Variants in PRCP observed in about 807,000 individuals in gnomAD.
PRCP encodes the protein prolylcarboxypeptidase.
A neutral mutation model predicts 54.2 loss-of-function variants in PRCP; 46 were observed. That is an observed-to-expected ratio of 0.85 (90% CI 0.67 to 1.09). The LOEUF is 1.09. Among genes scored for constraint, PRCP ranks in the 50% least tolerant of loss-of-function variants. The pLI, the probability that PRCP is intolerant of heterozygous loss-of-function variation, is 0.00. For synonymous variants in PRCP, 240 were observed against 212.2 expected (o/e 1.13, Z -1.14); for missense variants, 613 against 596.8 (o/e 1.03, Z -0.28).
intron 3 of PRCP, among the ~76,000 whole-genome samples, chr11:82,852,041 C>T (rs1379497970): frequency 6.6e-6 from 1 of 152,134 alleles, no homozygotes; most frequent in Admixed American, 6.5e-5. Flanking sequence ...TCAAAAAGAG[C>T]CCCTGGCTCC....
chr11:82,872,738 G>A (rs1390232827), intron 1 of PRCP, among the ~76,000 whole-genome samples: 2 of 152,192 alleles, frequency 1.3e-5, no homozygotes, highest in African/African-American at 4.8e-5. Flanking sequence ...GGAAGTGAGA[G>A]GATAAACTTC....
At position 82,823,604 on chromosome 11, in the gene PRCP, T is replaced by C. The variant is rs1858147510; in HGVS notation, c.*1302A>G. 6.7e-6 allele frequency: 1 copy of C among 149,972 alleles called. No individual in the cohort carries two copies. Among genetic ancestry groups the C allele is most frequent in the Non-Finnish European group, 1.5e-5 (1 of 67,570 alleles). The allele number at this position is 149,972 out of a possible 1,614,324, so 9.3% of individuals were successfully genotyped here. A position where few individuals can be genotyped will look rare whatever the true frequency, so the allele number is the denominator to read the frequency against. On this transcript the variant is annotated 3_prime_UTR_variant, in exon 9 of 9. Coordinates refer to ENST00000313010, the MANE Select transcript of PRCP (RefSeq NM_005040.4). ...GGTACAGTTTTTTAAAAGCAGAAAA[T>C]GTTCCCAAGGCAGGGTGAAGAAAAA...
chr11:82,839,456 A>G, intron 6 of PRCP, 31 bp from the exon 7 acceptor site: 1 of 1,573,366 alleles, frequency 6.4e-7, no homozygotes, highest in Non-Finnish European at 8.7e-7. Context: ...ATGGGGAAAG[A>G]GTCAGAATAT....
chr11:82,884,800 A>G, intron 1 of PRCP: 1 of 1,610,686 alleles, frequency 6.2e-7, no homozygotes, highest in South Asian at 1.1e-5. Flanking sequence ...TCTCAAATGC[A>G]GAATGAAAAA....
chr11:82,844,311 T>G (rs1466325304), intron 6 of PRCP, among the ~76,000 whole-genome samples: 5 of 152,140 alleles, frequency 3.3e-5, no homozygotes, highest in African/African-American at 1.2e-4. Flanking sequence ...TAATCCCAGT[T>G]ACTCAGGAGG....
rs1419872428 is a variant in PRCP at position 82,900,395 on chromosome 11, C to T, written c.8G>A (p.Arg3His). Residue 3 changes from arginine to histidine, a missense_variant, in exon 1 of 9, where the codon CGC becomes CAC. By Grantham distance (29) the Arg-to-His change is conservative. Transcript: ENST00000313010. ...CAGAAGCAGGAGCAGGAGGGCTCGG[C>T]GGCCCATGGCTCAGGCTGGAGACTG... Reference protein sequence around the residue: MGRRALLLLLLSF... With the variant: MGHRALLLLLLSF... 2.5e-6 allele frequency: 4 copies of T among 1,613,370 alleles called. No homozygotes were observed. Among genetic ancestry groups the T allele is most frequent in the African/African-American group, 1.3e-5 (1 of 75,034 alleles).
At chr11:82,846,386 GTAAC>G (rs931486632) in intron 6 of PRCP, among the ~76,000 whole-genome samples, 5 of 151,996 alleles carry the variant, frequency 3.3e-5, no homozygotes, top group African/African-American at 1.2e-4. Context: ...AATCAGATGG[GTAAC>G]TAACTATAGG....
chr11:82,849,889 T>G, intron 5 of PRCP, 25 bp downstream of exon 5: 1 of 1,410,026 alleles, frequency 7.1e-7, no homozygotes, highest in Non-Finnish European at 9.3e-7. Flanking sequence ...AAACACACAA[T>G]TCCATTCTCT....
chr11:82,885,895 T>C (rs1386061429), intron 1 of PRCP, among the ~76,000 whole-genome samples: 1 of 152,204 alleles, frequency 6.6e-6, no homozygotes, highest in Non-Finnish European at 1.5e-5. Flanking sequence ...GAAAGTTCTA[T>C]AGTAGTGACT....
intron 1 of PRCP, among the ~76,000 whole-genome samples, chr11:82,887,975 C>T (rs1295046224): frequency 1.3e-5 from 2 of 152,184 alleles, no homozygotes; most frequent in Non-Finnish European, 2.9e-5. Context: ...ACAGGACTGT[C>T]CATTCTTCAT....
chr11:82,895,728 A>T (rs1333933774), intron 1 of PRCP, among the ~76,000 whole-genome samples: 2 of 152,212 alleles, frequency 1.3e-5, no homozygotes, highest in East Asian at 3.8e-4. Context: ...AAAAATTTAA[A>T]GGAGGAGGAG....
chr11:82,888,998 C>G (rs1859934366), intron 1 of PRCP, among the ~76,000 whole-genome samples: 1 of 148,182 alleles, frequency 6.7e-6, no homozygotes, highest in African/African-American at 2.6e-5. Flanking sequence ...TAACACAAGG[C>G]TAGAATAAGA....
chr11:82,824,823 G>C lies in PRCP; in HGVS notation c.*83C>G. 3.7e-6 allele frequency: 5 copies of C among 1,337,796 alleles called. No individual in the cohort carries two copies. Among genetic ancestry groups the C allele is most frequent in the Non-Finnish European group, 4.1e-6 (4 of 966,356 alleles). 82.9% of individuals were successfully genotyped at this position (1,337,796 alleles called of 1,614,324 possible). A position where few individuals can be genotyped will look rare whatever the true frequency, so the allele number is the denominator to read the frequency against. On this transcript the variant is annotated 3_prime_UTR_variant, in exon 9 of 9. Transcript: ENST00000313010. ...CAAATCTAATGATAAACAAAAGAAG[G>C]TAATTACATGTAGAAAATCAAAGTG...
chr11:82,871,205 G>A (rs1401028918), intron 1 of PRCP, among the ~76,000 whole-genome samples: 22 of 108,400 alleles, frequency 2.0e-4, no homozygotes, highest in African/African-American at 6.6e-4. Flanking sequence ...TTTTGAAACA[G>A]AATCTGACTC....
intron 4 of PRCP, 50 bp from the exon 5 acceptor site, chr11:82,850,121 A>C: frequency 1.2e-6 from 1 of 850,274 alleles, no homozygotes; most frequent in Non-Finnish European, 1.6e-6. Context: ...AAAAATATAT[A>C]TATATATTAT....
chr11:82,898,731 T>C (rs764865407), intron 1 of PRCP, among the ~76,000 whole-genome samples: 4 of 152,250 alleles, frequency 2.6e-5, no homozygotes, highest in Admixed American at 6.5e-5. Flanking sequence ...GAGGGAATTA[T>C]GCCCTAGAGA....
chr11:82,878,060 T>C (rs1410109532), intron 1 of PRCP, among the ~76,000 whole-genome samples: 1 of 152,208 alleles, frequency 6.6e-6, no homozygotes, highest in African/African-American at 2.4e-5. Flanking sequence ...AAGGAGATCA[T>C]TCTGGAGCTT....
chr11:82,879,112 A>G (rs972829691), intron 1 of PRCP, among the ~76,000 whole-genome samples: 4 of 152,186 alleles, frequency 2.6e-5, no homozygotes, highest in Non-Finnish European at 5.9e-5. Flanking sequence ...CTCCTGGATA[A>G]TATCCTGCAG....
intron 5 of PRCP, 141 bp from the exon 6 acceptor site, chr11:82,849,359 G>T (rs1157915593): frequency 1.1e-6 from 1 of 927,224 alleles, no homozygotes; most frequent in Non-Finnish European, 1.6e-6. Context: ...AGCAACTGGA[G>T]AATCCCATGA....
Sources: allele counts gnomAD v4.1 joint callset (sites outside exome capture counted in the v4.1 genomes callset), GRCh38; gene constraint gnomAD v4.1.1; transcripts MANE v1.5; gene names NCBI Gene and HGNC (gene_info 2026-07-23, HGNC 2026-07-21).